The following BMPER variants were observed in gnomAD, a reference collection of about 807,000 sequenced individuals.
The protein encoded by BMPER is BMP binding endothelial regulator.
A neutral mutation model predicts 87.3 loss-of-function variants in BMPER; 45 were observed. That is an observed-to-expected ratio of 0.52 (90% CI 0.41 to 0.66). BMPER has a LOEUF of 0.66. Among genes scored for constraint, BMPER ranks in the 30% least tolerant of loss-of-function variants. The probability of loss-of-function intolerance (pLI) is 0.00; values close to 1 mark genes in which losing one functional copy is unlikely to be tolerated. For synonymous variants in BMPER, 326 were observed against 316.2 expected, an observed-to-expected ratio of 1.03 and a Z score of -0.33; for missense variants, 784 against 867.5, an observed-to-expected ratio of 0.90 and a Z score of 1.21.
At chr7:34,047,709 G>A (rs1788012575) in intron 7 of BMPER, among the ~76,000 whole-genome samples, 1 of 149,366 alleles carries the variant, frequency 6.7e-6, no homozygotes, top group Non-Finnish European at 1.5e-5. Flanking sequence ...AGAATCTCCA[G>A]GGATCCTTGA....
Position 33,969,241 on chromosome 7 carries a change from A to G in BMPER, c.403-1088A>G, listed in dbSNP as rs548584200. 5.3e-5 allele frequency among the ~76,000 whole-genome samples: 8 copies of G among 152,276 alleles called. No homozygotes were observed. The South Asian group carries it at 6.2e-4, about 12-fold the overall frequency. ...CCCATCACAGACAGCAACAAAAACCAAACCAAAAATGAAACACAAATCCAT... is the reference window on the plus strand; with the variant it reads ...CCCATCACAGACAGCAACAAAAACCGAACCAAAAATGAAACACAAATCCAT... On this transcript the variant is annotated intron_variant, in intron 4 of 14. Coordinates refer to ENST00000649409, the MANE Select transcript of BMPER (RefSeq NM_001365308.1).
chr7:34,141,610 CAAA>C (rs70997567), intron 13 of BMPER, among the ~76,000 whole-genome samples: 675 of 54,952 alleles, frequency 0.012, 3 homozygotes, highest in African/African-American at 0.048. Context: ...AACACCATCT[CAAA>C]AAAAAAAAAA....
chr7:33,910,442 TGTG>T (rs1205716620), intron 2 of BMPER, among the ~76,000 whole-genome samples: 1 of 152,102 alleles, frequency 6.6e-6, no homozygotes, highest in East Asian at 1.9e-4. Context: ...ACATGAGAAG[TGTG>T]GTGCTTGATC....
rs1355419036 is a variant in BMPER, at chr7:34,155,390, A to G, written c.*2117A>G. Reference sequence around the variant, plus strand: ...TCATGATTCATCCAAGGACTGAGTTATTCTCCCCATGAGGCTAACCGGCCT... The same window carrying G: ...TCATGATTCATCCAAGGACTGAGTTGTTCTCCCCATGAGGCTAACCGGCCT... On this transcript the variant is annotated 3_prime_UTR_variant, in exon 15 of 15. Coordinates refer to ENST00000649409, the MANE Select transcript of BMPER (RefSeq NM_001365308.1). 1.3e-5 allele frequency: 2 copies of G among 152,044 alleles called. No homozygotes were observed. The highest frequency in any genetic ancestry group is 2.9e-5 in the Non-Finnish European group (2 of 68,020). The allele number at this position is 152,044 out of a possible 1,614,324, so 9.4% of individuals were successfully genotyped here.
intron 14 of BMPER, among the ~76,000 whole-genome samples, chr7:34,147,718 C>T (rs1440809268): frequency 6.6e-6 from 1 of 152,180 alleles, no homozygotes; most frequent in Non-Finnish European, 1.5e-5. Flanking sequence ...GATCTGCCTG[C>T]CTCAGCCTCC....
At chr7:34,103,065 C>T (rs569024024) in intron 13 of BMPER, among the ~76,000 whole-genome samples, 1 of 152,226 alleles carries the variant, frequency 6.6e-6, no homozygotes, top group East Asian at 1.9e-4. Flanking sequence ...GCCACTGTAT[C>T]TGGCACTGAA....
intron 11 of BMPER, among the ~76,000 whole-genome samples, chr7:34,070,768 A>G (rs944007807): frequency 1.3e-5 from 2 of 151,808 alleles, no homozygotes; most frequent in Non-Finnish European, 2.9e-5. Flanking sequence ...TGCATGGTGA[A>G]AGAGGTTGGA....
At chr7:34,054,106 A>G (rs1314664639) in intron 8 of BMPER, among the ~76,000 whole-genome samples, 1 of 152,184 alleles carries the variant, frequency 6.6e-6, no homozygotes, top group African/African-American at 2.4e-5. Flanking sequence ...AGTTCTGTTT[A>G]CCACATTATA....
At chr7:34,075,551 A>G (rs552619541) in intron 11 of BMPER, among the ~76,000 whole-genome samples, 18 of 152,308 alleles carry the variant, frequency 1.2e-4, no homozygotes, top group African/African-American at 4.1e-4. Flanking sequence ...CTATGCAAAA[A>G]TGTGCCACCA....
chr7:34,141,029 A>G (rs1358964407), intron 13 of BMPER, among the ~76,000 whole-genome samples: 3 of 151,876 alleles, frequency 2.0e-5, no homozygotes, highest in Admixed American at 6.5e-5. Flanking sequence ...ATGGGATTAC[A>G]GGTTAGAACC....
At chr7:33,906,173 A>G (rs1223818487) in intron 1 of BMPER, among the ~76,000 whole-genome samples, 1 of 152,192 alleles carries the variant, frequency 6.6e-6, no homozygotes, top group Non-Finnish European at 1.5e-5. Flanking sequence ...TTGAATTTAA[A>G]GAAACTATCA....
intron 11 of BMPER, among the ~76,000 whole-genome samples, chr7:34,073,026 G>A (rs537042747): frequency 3.9e-5 from 6 of 152,112 alleles, no homozygotes; most frequent in Admixed American, 3.3e-4. Context: ...TCGATTAGGC[G>A]ATTTTGGTTA....
At chr7:33,914,983 C>T (rs960537933) in intron 2 of BMPER, among the ~76,000 whole-genome samples, 7 of 152,162 alleles carry the variant, frequency 4.6e-5, no homozygotes, top group Admixed American at 1.3e-4. Context: ...CCAGACCCTG[C>T]GTATTTGCAC....
chr7:33,914,431 T>C (rs1349357326), intron 2 of BMPER, among the ~76,000 whole-genome samples: 1 of 152,040 alleles, frequency 6.6e-6, no homozygotes, highest in Non-Finnish European at 1.5e-5. Flanking sequence ...TGGGAAAAAC[T>C]GAAGGGAATT....
intron 3 of BMPER, among the ~76,000 whole-genome samples, chr7:33,964,166 C>A (rs951469239): frequency 6.6e-6 from 1 of 152,104 alleles, no homozygotes; most frequent in Non-Finnish European, 1.5e-5. Context: ...AACGTAAACC[C>A]AAAGAGTGAT....
At chr7:33,931,552 T>C (rs997782576) in intron 2 of BMPER, among the ~76,000 whole-genome samples, 7 of 152,218 alleles carry the variant, frequency 4.6e-5, no homozygotes, top group Non-Finnish European at 8.8e-5. Context: ...AATTGTGACC[T>C]GGGTTCAAAA....
chr7:33,974,632 A>G (rs1785637031), intron 5 of BMPER, 70 bp from the exon 6 acceptor site: 12 of 1,459,190 alleles, frequency 8.2e-6, no homozygotes, highest in Non-Finnish European at 7.7e-6. Flanking sequence ...TGAACTGTGG[A>G]TAGAAGGATT....
At chr7:34,014,862 T>C (rs1192918357) in intron 6 of BMPER, among the ~76,000 whole-genome samples, 3 of 151,952 alleles carry the variant, frequency 2.0e-5, no homozygotes, top group African/African-American at 7.2e-5. Flanking sequence ...CTTTTATCAC[T>C]AATTTTAACT....
chr7:33,910,008 A>T (rs1157383919), intron 2 of BMPER, among the ~76,000 whole-genome samples: 2 of 152,188 alleles, frequency 1.3e-5, no homozygotes, highest in Non-Finnish European at 2.9e-5. Context: ...TCCCAGTCCA[A>T]GAATAACTGG....
Sources: gnomAD v4.1 joint callset for allele counts (sites outside exome capture counted in the v4.1 genomes callset) on GRCh38, gnomAD v4.1.1 for gene constraint, MANE v1.5 for transcripts, NCBI Gene and HGNC (gene_info 2026-07-23, HGNC 2026-07-21) for gene names.